AKAP13: variants seen among roughly 807,000 people sequenced by gnomAD.
The protein encoded by AKAP13 is A-kinase anchor protein 13.
AKAP13 carries 80 observed loss-of-function variants against 264.5 expected under a neutral mutation model. That is an observed-to-expected ratio of 0.30 (90% CI 0.25 to 0.36). The LOEUF (loss-of-function observed/expected upper bound fraction) is 0.36, where lower values mean the gene tolerates loss of function less well. Among genes scored for constraint, AKAP13 ranks in the 10% least tolerant of loss-of-function variants. The pLI, the probability that AKAP13 is intolerant of heterozygous loss-of-function variation, is 1.00. For missense variants in AKAP13, 3,712 were observed against 3,435.2 expected (o/e 1.08, Z -2.01); for synonymous variants, 1,380 against 1,250.2 (o/e 1.10, Z -2.19).
chr15:85,393,701 A>G (rs960261620), intron 1 of AKAP13, among the ~76,000 whole-genome samples: 2 of 152,222 alleles, frequency 1.3e-5, no homozygotes, highest in Non-Finnish European at 1.5e-5. Flanking sequence ...TGAAAAAACT[A>G]GGGTTTAGAG....
At position 85,585,802 on chromosome 15, in the gene AKAP13, G is replaced by A. The variant is rs1206401359; in HGVS notation, c.4140G>A (p.Lys1380=). 5.0e-6 allele frequency: 8 copies of A among 1,614,074 alleles called. No individual in the cohort carries two copies. The highest frequency in any genetic ancestry group is 1.6e-4 in the Middle Eastern group (1 of 6,062). The stretch of plus-strand genomic sequence containing the variant: ...GCATAGCTGCTACACTGAAGATGAA[G>A]CAAGGCCCAATGACCCAGGCGGTAA... ...VGSIAATLKM[K]QGPMTQAINR... is the part of the protein sequence containing the mutation. The change falls in exon 8 of 37, where the codon AAG becomes AAA. Residue 1380 remains lysine, a synonymous_variant. Coordinates refer to ENST00000394518, the MANE Select transcript of AKAP13 (RefSeq NM_007200.5).
At chr15:85,560,490 A>G (rs1034727006) in intron 5 of AKAP13, among the ~76,000 whole-genome samples, 4 of 152,162 alleles carry the variant, frequency 2.6e-5, no homozygotes, top group Admixed American at 1.3e-4. Flanking sequence ...AATAATATTC[A>G]TGATGCACCT....
chr15:85,586,127 T>C (rs2079330762), intron 8 of AKAP13, among the ~76,000 whole-genome samples: 1 of 152,182 alleles, frequency 6.6e-6, no homozygotes, highest in Non-Finnish European at 1.5e-5. Context: ...TGTCACAAAA[T>C]CTGAGCTATC....
intron 1 of AKAP13, among the ~76,000 whole-genome samples, chr15:85,392,500 G>A (rs542388514): frequency 1.3e-5 from 2 of 151,758 alleles, no homozygotes; most frequent in South Asian, 4.2e-4. Flanking sequence ...CGATCCACCC[G>A]CCTTGGCCTC....
At chr15:85,507,179 G>A (rs536396301) in intron 2 of AKAP13, among the ~76,000 whole-genome samples, 19 of 152,036 alleles carry the variant, frequency 1.2e-4, no homozygotes, top group African/African-American at 4.6e-4. Context: ...TAAATCAGGG[G>A]GTCTTAATCT....
In AKAP13 at chr15:85,734,599, A is replaced by G. The variant is rs192494066; in HGVS notation, c.7283-393A>G. On this transcript the variant is annotated intron_variant, in intron 30 of 36. Transcript: ENST00000394518. The stretch of plus-strand genomic sequence containing the variant: ...TTCTTAGACTACTCTAGCCCCTTGA[A>G]CTCACTCCATATTGGCAAAGCCAGA... Among the ~76,000 whole-genome samples, 691 of 152,266 alleles carry G rather than the reference A, an allele frequency of 4.5e-3. 7 individuals are homozygous for G. Among genetic ancestry groups the G allele is most frequent in the African/African-American group, 0.016 (658 of 41,540 alleles).
chr15:85,575,420 A>G (rs1265214114), intron 6 of AKAP13, 91 bp downstream of exon 6: 4 of 1,296,472 alleles, frequency 3.1e-6, no homozygotes, highest in Non-Finnish European at 4.4e-6. Context: ...ATGAACCTTG[A>G]TATAATTAGA....
In AKAP13 at chr15:85,581,577, C is replaced by T. The variant is rs759606412; in HGVS notation, c.3509C>T (p.Thr1170Ile). ...GKLEGADHSC[T>I]MGDAEEAQID... ...CTGGAGGGAGCAGACCACAGCTGTA[C>T]CATGGGTGACGCTGAGGAAGCCCAA... is the stretch of plus-strand genomic sequence containing the variant. The change falls in exon 7 of 37, where the codon ACC becomes ATC. Residue 1170 changes from threonine to isoleucine, a missense_variant. By Grantham distance (89) the Thr-to-Ile change is moderately conservative (BLOSUM62 -1). Coordinates refer to ENST00000394518, the MANE Select transcript of AKAP13 (RefSeq NM_007200.5). 6.8e-6 allele frequency: 11 copies of T among 1,614,024 alleles called. No homozygotes were observed. The East Asian group carries it at 1.6e-4, about 23-fold the overall frequency.
intron 1 of AKAP13, among the ~76,000 whole-genome samples, chr15:85,446,716 T>C (rs1284642613): frequency 5.3e-5 from 8 of 149,988 alleles, no homozygotes; most frequent in Middle Eastern, 3.5e-3. Context: ...TTTTCTTTTT[T>C]TTTTTTTTTT....
chr15:85,609,132 C>G (rs2080483080), intron 8 of AKAP13, among the ~76,000 whole-genome samples: 1 of 152,150 alleles, frequency 6.6e-6, no homozygotes, highest in Admixed American at 6.5e-5. Context: ...TGAAAACATT[C>G]AAAATCCTCT....
At chr15:85,691,238 A>T (rs549325788) in intron 16 of AKAP13, among the ~76,000 whole-genome samples, 1 of 152,220 alleles carries the variant, frequency 6.6e-6, no homozygotes, top group African/African-American at 2.4e-5. Context: ...TACCTTGTGA[A>T]TGGTAGGTCT....
At chr15:85,740,301 T>C (rs768079232) in intron 34 of AKAP13, 29 bp downstream of exon 34, 1 of 1,612,888 alleles carries the variant, frequency 6.2e-7, no homozygotes, top group South Asian at 1.1e-5. Context: ...CATCCCTGCG[T>C]TTATTTGTCT....
chr15:85,671,910 A>G (rs1438274802), intron 14 of AKAP13, among the ~76,000 whole-genome samples: 3 of 152,120 alleles, frequency 2.0e-5, no homozygotes, highest in Non-Finnish European at 2.9e-5. Context: ...CCTTTTTCCT[A>G]TATTTTGTGA....
chr15:85,602,278 G>A (rs2080117901), intron 8 of AKAP13, among the ~76,000 whole-genome samples: 1 of 149,638 alleles, frequency 6.7e-6, no homozygotes, highest in African/African-American at 2.5e-5. Flanking sequence ...CAGGTTCAAG[G>A]CATTCTTGTG....
chr15:85,528,945 T>G (rs1449109070), intron 3 of AKAP13, among the ~76,000 whole-genome samples: 1 of 152,206 alleles, frequency 6.6e-6, no homozygotes, highest in East Asian at 1.9e-4. Context: ...GATTTTTATT[T>G]TCCTTTCTTG....
chr15:85,509,394 G>A (rs998700858), intron 2 of AKAP13, among the ~76,000 whole-genome samples: 1 of 152,166 alleles, frequency 6.6e-6, no homozygotes, highest in African/African-American at 2.4e-5. Context: ...CCAGAGAAAC[G>A]AAGCTACTCA....
intron 29 of AKAP13, among the ~76,000 whole-genome samples, chr15:85,729,990 A>T: frequency 6.6e-6 from 1 of 152,168 alleles, no homozygotes; most frequent in Non-Finnish European, 1.5e-5. Flanking sequence ...ACAGCTCAGG[A>T]TGGAGCTGAG....
At chr15:85,469,893 G>A (rs2074896594) in intron 1 of AKAP13, among the ~76,000 whole-genome samples, 1 of 152,206 alleles carries the variant, frequency 6.6e-6, no homozygotes, top group Admixed American at 6.5e-5. Context: ...AAAAGTTCAT[G>A]AGTGTTCTGA....
intron 2 of AKAP13, among the ~76,000 whole-genome samples, chr15:85,517,217 A>C (rs1447143869): frequency 6.6e-6 from 1 of 152,104 alleles, no homozygotes; most frequent in Non-Finnish European, 1.5e-5. Flanking sequence ...TCTTCCTCCT[A>C]CAGGGCTTTC....
Sources: allele counts gnomAD v4.1 joint callset (sites outside exome capture counted in the v4.1 genomes callset), GRCh38; gene constraint gnomAD v4.1.1; transcripts MANE v1.5; gene names NCBI Gene and HGNC (gene_info 2026-07-23, HGNC 2026-07-21).